STOM: variants seen among roughly 807,000 people sequenced by gnomAD.
STOM encodes erythrocyte band 7 integral membrane protein.
STOM carries 25 observed loss-of-function variants against 30.6 expected under a neutral mutation model. The ratio of observed to expected loss-of-function variants is 0.82; its 90% CI spans 0.60 to 1.14. The LOEUF (loss-of-function observed/expected upper bound fraction) is 1.14, where lower values mean the gene tolerates loss of function less well. STOM is among the 50% of genes most tolerant of loss of function. The probability of loss-of-function intolerance (pLI) is 0.00; values close to 1 mark genes in which losing one functional copy is unlikely to be tolerated. For synonymous variants in STOM, 118 were observed against 130.8 expected (o/e 0.90, Z 0.67); for missense variants, 292 against 365.2 (o/e 0.80, Z 1.63).
chr9:121,348,668 C>T (rs777385398), intron 5 of STOM, among the ~76,000 whole-genome samples: 6 of 152,164 alleles, frequency 3.9e-5, no homozygotes, highest in Non-Finnish European at 7.4e-5. Flanking sequence ...ATTTTACCCA[C>T]GATGAAGTCT....
intron 5 of STOM, 93 bp from the exon 6 acceptor site, chr9:121,348,242 GC>G: frequency 6.4e-7 from 1 of 1,567,536 alleles, no homozygotes; most frequent in Non-Finnish European, 8.7e-7. Context: ...GAGATAAGGT[GC>G]TGGGGAGAGT....
chr9:121,347,941 T>C lies in STOM; in HGVS notation c.660+74A>G, dbSNP rs1589288670. 3.6e-5 allele frequency: 54 copies of C among 1,497,612 alleles called. 1 individual carries two copies. The East Asian group carries it at 1.3e-3, about 36-fold the overall frequency. The allele number at this position is 1,497,612 out of a possible 1,614,324, so 92.8% of individuals were successfully genotyped here. A position where few individuals can be genotyped will look rare whatever the true frequency, so the allele number is the denominator to read the frequency against. ...TTATTTCAAGTTTTTACAGCAAGCA[T>C]GTTTTACGTTTTTTTATAATTATTA... On this transcript the variant is annotated intron_variant, in intron 6 of 6. Coordinates refer to ENST00000286713, the MANE Select transcript of STOM (RefSeq NM_004099.6).
chr9:121,360,956 T>C (rs2064445546), intron 1 of STOM, among the ~76,000 whole-genome samples: 1 of 152,228 alleles, frequency 6.6e-6, no homozygotes, highest in African/African-American at 2.4e-5. Flanking sequence ...AATGGCACTT[T>C]CATATTTTTC....
chr9:121,354,600 C>T lies in STOM; in HGVS notation c.238+1G>A, dbSNP rs755095796. On this transcript the variant is annotated splice_donor_variant, in intron 3 of 6. Coordinates refer to ENST00000286713, the MANE Select transcript of STOM (RefSeq NM_004099.6). LOFTEE classifies it high-confidence loss of function. ...AAACAATCTAGAATCCCAGTACTGACCAGGTCCTTTGGCTCCTCCTTGTAA... is the reference window on the plus strand; with the variant it reads ...AAACAATCTAGAATCCCAGTACTGATCAGGTCCTTTGGCTCCTCCTTGTAA... The T allele has an allele frequency of 1.2e-6, 2 of 1,608,696 alleles. No individual in the cohort carries two copies. Among genetic ancestry groups the T allele is most frequent in the Non-Finnish European group, 1.7e-6 (2 of 1,176,370 alleles).
chr9:121,340,191 A>G lies in STOM; in HGVS notation c.*1011T>C. On this transcript the variant is annotated 3_prime_UTR_variant, in exon 7 of 7. Coordinates refer to ENST00000286713, the MANE Select transcript of STOM (RefSeq NM_004099.6). ...CAAATATTTAGCTGGTTTGAAAGAC[A>G]GAACAAGGAGGAATCATTTACTCAT... 1 of 985,480 alleles carries G rather than the reference A, an allele frequency of 1.0e-6. No individual in the cohort carries two copies. The highest frequency in any genetic ancestry group is 1.2e-6 in the Non-Finnish European group (1 of 829,940). The allele number at this position is 985,480 out of a possible 1,614,324, so 61.0% of individuals were successfully genotyped here. A position where few individuals can be genotyped will look rare whatever the true frequency, so the allele number is the denominator to read the frequency against.
chr9:121,362,257 A>G (rs193237608), intron 1 of STOM, among the ~76,000 whole-genome samples: 2 of 152,296 alleles, frequency 1.3e-5, no homozygotes, highest in South Asian at 2.1e-4. Context: ...AAACAGAAAC[A>G]TTATCTATAC....
chr9:121,347,971 AAG>A (rs920051267), intron 6 of STOM, 42 bp downstream of exon 6: 2 of 1,559,024 alleles, frequency 1.3e-6, no homozygotes, highest in African/African-American at 1.4e-5. Context: ...TTATTAATAA[AAG>A]AGAAAACTCA....
rs543801516 is a variant in STOM, at chr9:121,341,057, C to A, written c.*145G>T. 2.1e-6 allele frequency: 3 copies of A among 1,462,630 alleles called. No individual in the cohort carries two copies. In the South Asian group the frequency reaches 4.3e-5, roughly 21 times the overall value. 90.6% of individuals were successfully genotyped at this position (1,462,630 alleles called of 1,614,324 possible). A position where few individuals can be genotyped will look rare whatever the true frequency, so the allele number is the denominator to read the frequency against. The stretch of plus-strand genomic sequence containing the variant: ...TCTCAGTATTTACAAGCTAACAATT[C>A]TTTCACCTATTTTTATAACTGCTAT... On this transcript the variant is annotated 3_prime_UTR_variant, in exon 7 of 7. Transcript: ENST00000286713.
chr9:121,346,213 C>T (rs1212700046), intron 6 of STOM, among the ~76,000 whole-genome samples: 15 of 152,170 alleles, frequency 9.9e-5, no homozygotes, highest in Non-Finnish European at 1.0e-4. Flanking sequence ...TGGTCTTGAA[C>T]TCCTCACCTC....
At chr9:121,351,982 C>T (rs2064343628) in intron 4 of STOM, among the ~76,000 whole-genome samples, 1 of 151,606 alleles carries the variant, frequency 6.6e-6, no homozygotes, top group Non-Finnish European at 1.5e-5. Context: ...TATCAGAAAC[C>T]CATAGAAGAG....
intron 3 of STOM, among the ~76,000 whole-genome samples, chr9:121,353,844 C>CT (rs1019526090): frequency 5.5e-4 from 84 of 152,292 alleles, no homozygotes; most frequent in African/African-American, 1.9e-3. Flanking sequence ...TGGTTAACAC[C>CT]TTTTCAGACC....
At chr9:121,353,393 G>T in intron 3 of STOM, 91 bp from the exon 4 acceptor site, 5 of 746,138 alleles carry the variant, frequency 6.7e-6, no homozygotes, top group Non-Finnish European at 1.0e-5. Flanking sequence ...CTAGTGAACT[G>T]AAAAGTCACC....
At chr9:121,349,702 T>C (rs1050609573) in intron 4 of STOM, among the ~76,000 whole-genome samples, 1 of 152,030 alleles carries the variant, frequency 6.6e-6, no homozygotes, top group African/African-American at 2.4e-5. Flanking sequence ...TCTGAGGGTG[T>C]TGGGTGGAGT....
intron 3 of STOM, among the ~76,000 whole-genome samples, chr9:121,353,803 T>C (rs569093637): frequency 2.6e-5 from 4 of 152,316 alleles, no homozygotes; most frequent in African/African-American, 7.2e-5. Flanking sequence ...GCTTTGTGTA[T>C]GTTGCTATTT....
chr9:121,352,635 G>C (rs537189362), intron 4 of STOM, among the ~76,000 whole-genome samples: 1 of 152,280 alleles, frequency 6.6e-6, no homozygotes, highest in African/African-American at 2.4e-5. Context: ...GTCAGCCATT[G>C]CTCTAAGCAC....
chr9:121,363,928 A>C (rs2064478875), intron 1 of STOM, among the ~76,000 whole-genome samples: 1 of 152,242 alleles, frequency 6.6e-6, no homozygotes, highest in African/African-American at 2.4e-5. Context: ...TGGTGAAAAT[A>C]AGCAAAAGGG....
At chr9:121,342,722 ACAACATGCCAGG>A (rs1357348117) in intron 6 of STOM, among the ~76,000 whole-genome samples, 1 of 152,238 alleles carries the variant, frequency 6.6e-6, no homozygotes, top group Non-Finnish European at 1.5e-5. Flanking sequence ...GTCAATATTT[ACAACATGCCAGG>A]AATTATATTC....
Position 121,341,127 on chromosome 9 carries a change from C to G in STOM, c.*75G>C. 6.2e-7 allele frequency: 1 copy of G among 1,601,732 alleles called. No homozygotes were observed. The highest frequency in any genetic ancestry group is 8.5e-7 in the Non-Finnish European group (1 of 1,172,078). On this transcript the variant is annotated 3_prime_UTR_variant, in exon 7 of 7. Coordinates refer to ENST00000286713, the MANE Select transcript of STOM (RefSeq NM_004099.6). ...ATTGACATATGGAAAAAGAAAAGCC[C>G]TACCCTCTCTTTATGAGTTAAAGGC...
intron 1 of STOM, 75 bp from the exon 2 acceptor site, chr9:121,356,231 C>T (rs923056372): frequency 2.0e-5 from 25 of 1,234,598 alleles, no homozygotes; most frequent in Non-Finnish European, 2.7e-5. Context: ...CCTTACCATT[C>T]GCTGAATACC....
Sources: allele counts gnomAD v4.1 joint callset (sites outside exome capture counted in the v4.1 genomes callset), GRCh38; gene constraint gnomAD v4.1.1; transcripts MANE v1.5; gene names NCBI Gene and HGNC (gene_info 2026-07-23, HGNC 2026-07-21).